FER: variants seen among roughly 807,000 people sequenced by gnomAD.
The protein encoded by FER is tyrosine-protein kinase Fer.
A neutral mutation model predicts 111.0 loss-of-function variants in FER; 63 were observed. The observed-to-expected ratio is 0.57, with a 90% CI of 0.46 to 0.70. FER has a LOEUF of 0.70. Ranked by LOEUF, FER falls within the 30% of genes least tolerant of loss-of-function variation. The pLI is 0.00. For synonymous variants in FER, 327 were observed against 313.9 expected (o/e 1.04, Z -0.44); for missense variants, 914 against 954.0 (o/e 0.96, Z 0.55).
intron 16 of FER, among the ~76,000 whole-genome samples, chr5:109,073,188 A>G (rs1181849063): frequency 6.6e-6 from 1 of 152,230 alleles, no homozygotes; most frequent in Non-Finnish European, 1.5e-5. Flanking sequence ...GTTTTAATTA[A>G]TAGATCTGTG....
intron 17 of FER, among the ~76,000 whole-genome samples, chr5:109,172,590 T>A (rs1582382109): frequency 1.3e-5 from 2 of 151,254 alleles, no homozygotes; most frequent in South Asian, 2.1e-4. Flanking sequence ...CATATGTAAC[T>A]AACCTGCACA....
chr5:109,170,183 G>GT (rs2126792652), intron 17 of FER, among the ~76,000 whole-genome samples: 1 of 152,102 alleles, frequency 6.6e-6, no homozygotes, highest in Non-Finnish European at 1.5e-5. Flanking sequence ...TGGAGGAATT[G>GT]TTATATGCCC....
intron 10 of FER, among the ~76,000 whole-genome samples, chr5:108,935,034 A>G (rs1055098724): frequency 2.6e-5 from 4 of 152,142 alleles, no homozygotes; most frequent in African/African-American, 7.2e-5. Context: ...TATTACATAT[A>G]GGGGTGATTT....
intron 2 of FER, chr5:108,785,594 C>A: frequency 4.2e-5 from 18 of 428,488 alleles, no homozygotes; most frequent in Middle Eastern, 8.6e-4. Context: ...AACGAACAAA[C>A]TGGAAAAAAA....
At chr5:108,756,727 A>G (rs1217392233) in intron 1 of FER, among the ~76,000 whole-genome samples, 1 of 152,160 alleles carries the variant, frequency 6.6e-6, no homozygotes, top group East Asian at 1.9e-4. Flanking sequence ...GTAGATTTAT[A>G]TACAATAGAA....
At chr5:109,075,477 T>C (rs577461095) in intron 16 of FER, among the ~76,000 whole-genome samples, 6 of 150,226 alleles carry the variant, frequency 4.0e-5, no homozygotes, top group Non-Finnish European at 5.9e-5. Context: ...TCACCCGGGC[T>C]GGAGGGCGCA....
At chr5:108,754,576 T>C (rs544844469) in intron 1 of FER, among the ~76,000 whole-genome samples, 24 of 152,280 alleles carry the variant, frequency 1.6e-4, no homozygotes, top group African/African-American at 5.8e-4. Context: ...AAAATATTAT[T>C]ACACTAATTT....
intron 13 of FER, among the ~76,000 whole-genome samples, chr5:108,984,899 A>T (rs1053985727): frequency 6.6e-6 from 1 of 152,154 alleles, no homozygotes; most frequent in African/African-American, 2.4e-5. Flanking sequence ...AAAGAATAAA[A>T]TATAACTTAA....
At chr5:109,052,934 C>G (rs976389316) in intron 16 of FER, among the ~76,000 whole-genome samples, 11 of 152,176 alleles carry the variant, frequency 7.2e-5, no homozygotes, top group African/African-American at 2.7e-4. Context: ...ATTGGTTGAT[C>G]TTGCAGTTTG....
At chr5:109,021,788 G>C (rs1177619412) in intron 13 of FER, among the ~76,000 whole-genome samples, 1 of 152,058 alleles carries the variant, frequency 6.6e-6, no homozygotes, top group South Asian at 2.1e-4. Context: ...ACATGACGTT[G>C]TGAAATGTGT....
intron 1 of FER, among the ~76,000 whole-genome samples, chr5:108,761,475 A>G (rs574849247): frequency 2.0e-5 from 3 of 152,320 alleles, no homozygotes; most frequent in Non-Finnish European, 2.9e-5. Context: ...TCACCGTTAT[A>G]TATGAGTGTG....
At chr5:108,903,808 A>G (rs1224562101) in intron 10 of FER, among the ~76,000 whole-genome samples, 1 of 152,222 alleles carries the variant, frequency 6.6e-6, no homozygotes. Flanking sequence ...TTATTCATAA[A>G]GGAAAAACCT....
intron 17 of FER, among the ~76,000 whole-genome samples, chr5:109,151,358 G>T (rs571238653): frequency 2.6e-5 from 4 of 151,968 alleles, no homozygotes; most frequent in African/African-American, 4.8e-5. Context: ...TCACTCCAAA[G>T]ACCATAAAAC....
At chr5:109,063,570 A>G (rs1488821134) in intron 16 of FER, among the ~76,000 whole-genome samples, 1 of 152,214 alleles carries the variant, frequency 6.6e-6, no homozygotes, top group Non-Finnish European at 1.5e-5. Flanking sequence ...AGTTTAACCC[A>G]TTGCCAATTA....
chr5:109,000,455 C>T (rs915774141), intron 13 of FER, among the ~76,000 whole-genome samples: 7 of 151,484 alleles, frequency 4.6e-5, no homozygotes, highest in African/African-American at 1.5e-4. Flanking sequence ...TTGAAACCAA[C>T]GAGAAAAAAG....
intron 17 of FER, among the ~76,000 whole-genome samples, chr5:109,168,894 T>C (rs952820385): frequency 6.6e-6 from 1 of 152,226 alleles, no homozygotes; most frequent in Non-Finnish European, 1.5e-5. Context: ...GCCAAATTCT[T>C]CCAAACCCTT....
chr5:109,014,352 T>G (rs1226156204), intron 13 of FER, among the ~76,000 whole-genome samples: 2 of 152,218 alleles, frequency 1.3e-5, no homozygotes, highest in Non-Finnish European at 2.9e-5. Flanking sequence ...CCTTTCCCCA[T>G]TGTTGTTTTT....
At chr5:109,162,160 G>T (rs1358788344) in intron 17 of FER, among the ~76,000 whole-genome samples, 1 of 151,556 alleles carries the variant, frequency 6.6e-6, no homozygotes, top group Admixed American at 6.6e-5. Flanking sequence ...TTTCAGGAAT[G>T]CTTTACTCTC....
intron 17 of FER, among the ~76,000 whole-genome samples, chr5:109,157,597 G>A (rs976801706): frequency 1.3e-5 from 2 of 151,736 alleles, no homozygotes; most frequent in Non-Finnish European, 2.9e-5. Context: ...AACTTCAATA[G>A]ATTTCCTATT....
Sources: allele counts gnomAD v4.1 joint callset (sites outside exome capture counted in the v4.1 genomes callset), GRCh38; gene constraint gnomAD v4.1.1; transcripts MANE v1.5; gene names NCBI Gene and HGNC (gene_info 2026-07-23, HGNC 2026-07-21).